STAG1: variants seen among roughly 807,000 people sequenced by gnomAD.
The protein encoded by STAG1 is STAG1 cohesin complex component, also known as cohesin subunit SA-1.
STAG1 carries 26 observed loss-of-function variants against 170.9 expected under a neutral mutation model. That is an observed-to-expected ratio of 0.15 (90% CI 0.11 to 0.21). The LOEUF is 0.21. Ranked by LOEUF, STAG1 falls within the 10% of genes least tolerant of loss-of-function variation. The pLI is 1.00. For synonymous variants in STAG1, 514 were observed against 497.7 expected (o/e 1.03, Z -0.44); for missense variants, 964 against 1,509.5 (o/e 0.64, Z 5.99).
At chr3:136,378,227 GCAGA>G (rs1191425525) in intron 22 of STAG1, among the ~76,000 whole-genome samples, 1 of 152,202 alleles carries the variant, frequency 6.6e-6, no homozygotes, top group Non-Finnish European at 1.5e-5. Flanking sequence ...TAACATTCTA[GCAGA>G]CAGGCCAATT....
At chr3:136,712,016 T>A (rs945567770) in intron 1 of STAG1, among the ~76,000 whole-genome samples, 1 of 152,130 alleles carries the variant, frequency 6.6e-6, no homozygotes, top group Non-Finnish European at 1.5e-5. Context: ...TTCAGATAAC[T>A]TTTTTTGTTT....
rs61790762 is a variant in STAG1, at chr3:136,569,213, G to A, written c.298-352C>T. On this transcript the variant is annotated intron_variant, in intron 4 of 33. Coordinates refer to ENST00000383202, the MANE Select transcript of STAG1 (RefSeq NM_005862.3). ...TTTTACACAGATACAAACTTTCTGAGTTATCAGAAAGCATAATCCACCAGT... is the reference window on the plus strand; with the variant it reads ...TTTTACACAGATACAAACTTTCTGAATTATCAGAAAGCATAATCCACCAGT... Among the ~76,000 whole-genome samples the A allele has an allele frequency of 4.0e-3, 606 of 151,998 alleles. 2 individuals carry two copies. Among genetic ancestry groups the A allele is most frequent in the Admixed American group, 6.6e-3 (101 of 15,266 alleles).
intron 1 of STAG1, among the ~76,000 whole-genome samples, chr3:136,687,298 T>C (rs1287913069): frequency 6.6e-6 from 1 of 152,202 alleles, no homozygotes; most frequent in African/African-American, 2.4e-5. Flanking sequence ...GCAATACTTA[T>C]TTAAGGTTCT....
intron 1 of STAG1, among the ~76,000 whole-genome samples, chr3:136,702,072 CGAAAGA>C (rs1439341741): frequency 1.2e-5 from 1 of 82,392 alleles, no homozygotes; most frequent in Admixed American, 1.6e-4. Context: ...ACCACCATGC[CGAAAGA>C]GAGAGAGAGA....
intron 16 of STAG1, among the ~76,000 whole-genome samples, chr3:136,430,615 G>T (rs1235633285): frequency 7.7e-6 from 1 of 130,450 alleles, no homozygotes; most frequent in Non-Finnish European, 1.6e-5. Flanking sequence ...ACTAACGATA[G>T]CTGAAGAGCT....
chr3:136,596,613 A>G (rs147094228), intron 4 of STAG1, among the ~76,000 whole-genome samples: 12 of 152,340 alleles, frequency 7.9e-5, no homozygotes, highest in African/African-American at 2.9e-4. Context: ...TAATCAATAT[A>G]AAAAACATGA....
chr3:136,570,508 T>G (rs937995914), intron 4 of STAG1, among the ~76,000 whole-genome samples: 1 of 152,212 alleles, frequency 6.6e-6, no homozygotes, highest in Non-Finnish European at 1.5e-5. Context: ...GTACACACAT[T>G]TGATGAATGT....
chr3:136,606,521 G>A, intron 3 of STAG1, among the ~76,000 whole-genome samples: 1 of 152,042 alleles, frequency 6.6e-6, no homozygotes, highest in Non-Finnish European at 1.5e-5. Flanking sequence ...ATGACCTTTT[G>A]GTCTAGGAGT....
intron 4 of STAG1, among the ~76,000 whole-genome samples, chr3:136,571,694 AG>A (rs971758452): frequency 6.6e-5 from 10 of 152,112 alleles, no homozygotes; most frequent in Admixed American, 2.0e-4. Context: ...CAACATACAA[AG>A]ACCCTCATCT....
chr3:136,471,265 T>G (rs1297545077), intron 12 of STAG1, among the ~76,000 whole-genome samples: 1 of 152,130 alleles, frequency 6.6e-6, no homozygotes, highest in Non-Finnish European at 1.5e-5. Flanking sequence ...TTTTCATGCA[T>G]AAGTGATATA....
intron 6 of STAG1, among the ~76,000 whole-genome samples, chr3:136,538,196 A>G (rs1261137349): frequency 6.6e-6 from 1 of 152,174 alleles, no homozygotes; most frequent in Admixed American, 6.6e-5. Context: ...TTACACAAAT[A>G]ATGATAGCGC....
intron 7 of STAG1, chr3:136,518,288 AG>A (rs1429358731): frequency 3.1e-6 from 2 of 640,316 alleles, no homozygotes; most frequent in Non-Finnish European, 2.8e-6. Context: ...AGCAATGTCA[AG>A]GAGCATTTTA....
At position 136,616,271 on chromosome 3, in the gene STAG1, A is replaced by G. The variant is rs574146067; in HGVS notation, c.132+6875T>C. Among the ~76,000 whole-genome samples the G allele has an allele frequency of 6.6e-5, 10 of 150,396 alleles. No individual in the cohort carries two copies. The South Asian group carries it at 1.5e-3, about 22-fold the overall frequency. ...GCGACAGAGCAAGACTCCGTCTCAAAAAAAAAAAAAAAGTCATCAGACCTC... is the reference window on the plus strand; with the variant it reads ...GCGACAGAGCAAGACTCCGTCTCAAGAAAAAAAAAAAAGTCATCAGACCTC... On this transcript the variant is annotated intron_variant, in intron 3 of 33. Coordinates refer to ENST00000383202, the MANE Select transcript of STAG1 (RefSeq NM_005862.3).
At chr3:136,532,236 A>ATGG (rs1255774410) in intron 6 of STAG1, among the ~76,000 whole-genome samples, 1 of 152,216 alleles carries the variant, frequency 6.6e-6, no homozygotes, top group Non-Finnish European at 1.5e-5. Context: ...TTGCTTGATC[A>ATGG]TGGTATATTA....
At chr3:136,574,190 G>A (rs889564710) in intron 4 of STAG1, among the ~76,000 whole-genome samples, 15 of 151,932 alleles carry the variant, frequency 9.9e-5, no homozygotes, top group African/African-American at 2.7e-4. Flanking sequence ...GCAGTGAGCC[G>A]AGATGGTGCC....
rs560084733 is a variant in STAG1, at chr3:136,667,223, C to T, written c.-83-36242G>A. Among the ~76,000 whole-genome samples, 25 of 152,124 alleles carry T rather than the reference C, an allele frequency of 1.6e-4. 1 individual carries two copies. The highest frequency in any genetic ancestry group is 6.0e-4 in the African/African-American group (25 of 41,506). On this transcript the variant is annotated intron_variant, in intron 1 of 33. Transcript: ENST00000383202. ...AAAGAATGTTAGATATACTAATTCC[C>T]TTATCTTTCAGAACACACATGATAA...
intron 3 of STAG1, among the ~76,000 whole-genome samples, chr3:136,613,723 G>C (rs893862487): frequency 2.0e-5 from 3 of 152,276 alleles, no homozygotes; most frequent in African/African-American, 7.2e-5. Flanking sequence ...CTGGACTCAA[G>C]TGATTTGCCC....
chr3:136,514,103 G>A (rs2107891412), intron 7 of STAG1, among the ~76,000 whole-genome samples: 1 of 152,238 alleles, frequency 6.6e-6, no homozygotes, highest in East Asian at 1.9e-4. Context: ...TGAATTCTCT[G>A]TAAGTAGTAT....
At position 136,459,221 on chromosome 3, in the gene STAG1, A is replaced by G. The variant is rs566744737; in HGVS notation, c.1313+5660T>C. The stretch of plus-strand genomic sequence containing the variant: ...GACAGAGCGAGACTCTGTCTTAAAG[A>G]AAAAAAAAAAAAAAAGAAAAGAAAA... On this transcript the variant is annotated intron_variant, in intron 13 of 33. Transcript: ENST00000383202. Among the ~76,000 whole-genome samples the G allele has an allele frequency of 1.2e-4, 18 of 144,524 alleles. 1 individual carries two copies. In the East Asian group the frequency reaches 3.5e-3, roughly 28 times the overall value. The allele number at this position is 144,524 out of a possible 152,430, so 94.8% of individuals were successfully genotyped here.
Sources: allele counts gnomAD v4.1 joint callset (sites outside exome capture counted in the v4.1 genomes callset), GRCh38; gene constraint gnomAD v4.1.1; transcripts MANE v1.5; gene names NCBI Gene and HGNC (gene_info 2026-07-23, HGNC 2026-07-21).